Variants in RIN2 observed in about 807,000 individuals in gnomAD.
RIN2 encodes the protein RAB5 interacting protein 2.
RIN2 carries 36 observed loss-of-function variants against 78.0 expected under a neutral mutation model. That is an observed-to-expected ratio of 0.46 (90% CI 0.35 to 0.61). The LOEUF (loss-of-function observed/expected upper bound fraction) is 0.61. Among genes scored for constraint, RIN2 ranks in the 20% least tolerant of loss-of-function variants. RIN2 has a pLI of 0.00. For missense variants in RIN2, 1,087 were observed against 1,159.7 expected, an observed-to-expected ratio of 0.94 and a Z score of 0.91; for synonymous variants, 466 against 466.8, an observed-to-expected ratio of 1.00 and a Z score of 0.02.
chr20:19,896,171 T>A (rs866827752), intron 3 of RIN2, among the ~76,000 whole-genome samples: 2 of 152,098 alleles, frequency 1.3e-5, no homozygotes, highest in South Asian at 2.1e-4. Flanking sequence ...GTAATTTCTT[T>A]TTTTATTTTT....
At chr20:19,932,874 G>T (rs565557893) in intron 3 of RIN2, among the ~76,000 whole-genome samples, 11 of 152,250 alleles carry the variant, frequency 7.2e-5, no homozygotes, top group African/African-American at 2.6e-4. Context: ...TCCCCCTCAA[G>T]TCTAATTCTT....
chr20:19,845,993 C>T (rs1384268790), intron 2 of RIN2, among the ~76,000 whole-genome samples: 2 of 152,124 alleles, frequency 1.3e-5, no homozygotes, highest in African/African-American at 4.8e-5. Flanking sequence ...GAATCCTTTC[C>T]CCATTGCTTG....
At chr20:19,931,078 G>T (rs1311127619) in intron 3 of RIN2, among the ~76,000 whole-genome samples, 1 of 152,044 alleles carries the variant, frequency 6.6e-6, no homozygotes, top group Admixed American at 6.6e-5. Context: ...GTGAGAAAGT[G>T]TCTCTACAAA....
At chr20:19,830,856 T>A (rs2036230590) in intron 2 of RIN2, among the ~76,000 whole-genome samples, 1 of 152,222 alleles carries the variant, frequency 6.6e-6, no homozygotes, top group South Asian at 2.1e-4. Context: ...CATCCAGCGA[T>A]GACTGATGCT....
At chr20:19,978,850 A>C (rs1370002450) in intron 9 of RIN2, among the ~76,000 whole-genome samples, 1 of 152,226 alleles carries the variant, frequency 6.6e-6, no homozygotes, top group Non-Finnish European at 1.5e-5. Flanking sequence ...ATGCTTTAAT[A>C]AGAAGTGTGC....
In RIN2 at chr20:19,877,480, G is replaced by A. The variant is rs193203767; in HGVS notation, c.-36-12086G>A. 6.6e-5 allele frequency among the ~76,000 whole-genome samples: 10 copies of A among 152,290 alleles called. No homozygotes were observed. The East Asian group carries it at 1.9e-3, about 29-fold the overall frequency. On this transcript the variant is annotated intron_variant, in intron 2 of 12. Coordinates refer to ENST00000255006, the MANE Select transcript of RIN2 (RefSeq NM_018993.4). Reference sequence around the variant, plus strand: ...GTCCATAGTGCAGGGTTATAGTGTTGTAGACTCACCCCGTGAAAGAGCCAT... The same window carrying A: ...GTCCATAGTGCAGGGTTATAGTGTTATAGACTCACCCCGTGAAAGAGCCAT...
chr20:19,802,737 G>T (rs554850560), intron 2 of RIN2, among the ~76,000 whole-genome samples: 30 of 152,160 alleles, frequency 2.0e-4, no homozygotes, highest in African/African-American at 5.8e-4. Flanking sequence ...AGTCCTGAAG[G>T]CCCCCTCAAA....
At chr20:19,784,006 C>T (rs1361159758) in intron 1 of RIN2, among the ~76,000 whole-genome samples, 8 of 152,162 alleles carry the variant, frequency 5.3e-5, no homozygotes, top group Non-Finnish European at 8.8e-5. Flanking sequence ...ACTCCAGGGC[C>T]GAGGCCAGGT....
chr20:19,816,823 G>A (rs950576478), intron 2 of RIN2, among the ~76,000 whole-genome samples: 10 of 152,172 alleles, frequency 6.6e-5, no homozygotes, highest in Non-Finnish European at 1.2e-4. Context: ...CTGAATAACT[G>A]AAAGAAGATT....
intron 2 of RIN2, among the ~76,000 whole-genome samples, chr20:19,812,233 T>C (rs2035627765): frequency 6.6e-6 from 1 of 152,210 alleles, no homozygotes; most frequent in African/African-American, 2.4e-5. Context: ...TAAATACCTA[T>C]GAGTGGAATT....
rs141557975 is a variant in RIN2 at position 19,995,251 on chromosome 20, GT to G, written c.2201-1418del. 4.7e-3 allele frequency among the ~76,000 whole-genome samples: 509 copies of G among 109,300 alleles called. 5 individuals carry two copies. Among genetic ancestry groups the G allele is most frequent in the African/African-American group, 0.019 (470 of 24,452 alleles). 71.7% of individuals were successfully genotyped at this position (109,300 alleles called of 152,430 possible). On this transcript the variant is annotated intron_variant, in intron 11 of 12. Transcript: ENST00000255006. The stretch of plus-strand genomic sequence containing the variant: ...CTGCAGGAATAAATTGCCAGTGTCT[GT>G]TTTTTTTTTAAAAAAAAAAAAAAAA...
rs2042250391 is a variant in RIN2 at position 19,975,465 on chromosome 20, AAAG to A, written c.1443_1445del (p.Lys482del). 1 of 1,614,008 alleles carries A rather than the reference AAAG, an allele frequency of 6.2e-7. No homozygotes were observed. Among genetic ancestry groups the A allele is most frequent in the East Asian group, 2.2e-5 (1 of 44,882 alleles). ...CCATGGCGCCCCCCATCAAGTCCAAAAAGAAAAGGAGCAGCTCCTTCGTGCTGC... is the reference window on the plus strand; with the variant it reads ...CCATGGCGCCCCCCATCAAGTCCAAAAAAAGGAGCAGCTCCTTCGTGCTGC... On this transcript the variant is annotated inframe_deletion, in exon 9 of 13. Coordinates refer to ENST00000255006, the MANE Select transcript of RIN2 (RefSeq NM_018993.4). The surrounding 1 kb of genome is among the most constrained non-coding windows in gnomAD (Gnocchi z 4.9).
chr20:20,000,889 T>G lies in RIN2; in HGVS notation c.2641T>G (p.Tyr881Asp), dbSNP rs778005548. The change falls in exon 13 of 13, where the codon TAT becomes GAT. Residue 881 changes from tyrosine to aspartate, a missense_variant. Tyr to Asp is a radical substitution (Grantham distance 160). Around this residue, in one of 8 missense-constraint regions of RIN2, gnomAD observed 160 missense variants for 179.4 expected, o/e 0.89. Coordinates refer to ENST00000255006, the MANE Select transcript of RIN2 (RefSeq NM_018993.4). ...CTACAAACGCATCAAGAACGATCCT[T>G]ATGGCATCATTTTCCAGAACGGGGA... ...FVYKRIKNDPYGIIFQNGEED... is the reference protein window; with the variant it reads ...FVYKRIKNDPDGIIFQNGEED... 5.6e-6 allele frequency: 9 copies of G among 1,613,524 alleles called. No individual in the cohort carries two copies. Among genetic ancestry groups the G allele is most frequent in the Admixed American group, 5.0e-5 (3 of 60,010 alleles).
chr20:19,962,768 G>A (rs763861239), intron 6 of RIN2, among the ~76,000 whole-genome samples: 10 of 151,974 alleles, frequency 6.6e-5, no homozygotes, highest in Non-Finnish European at 1.0e-4. Context: ...ACCAGCCTGG[G>A]CAACATGGTG....
chr20:19,895,584 A>G (rs1227603082), intron 3 of RIN2, among the ~76,000 whole-genome samples: 2 of 152,152 alleles, frequency 1.3e-5, no homozygotes, highest in Non-Finnish European at 2.9e-5. Context: ...AAAACCACTC[A>G]TGCTGCAGAA....
At chr20:19,885,494 C>T (rs910391382) in intron 2 of RIN2, among the ~76,000 whole-genome samples, 1 of 151,958 alleles carries the variant, frequency 6.6e-6, no homozygotes, top group African/African-American at 2.4e-5. Context: ...GGTAAAACCC[C>T]ACATCTACCA....
chr20:19,959,144 A>G (rs1418053160), intron 5 of RIN2, among the ~76,000 whole-genome samples: 1 of 152,252 alleles, frequency 6.6e-6, no homozygotes, highest in Non-Finnish European at 1.5e-5. Context: ...GACAATATGT[A>G]AATGATCGAG....
At position 19,975,143 on chromosome 20, in the gene RIN2, G is replaced by T; in HGVS notation, c.1118G>T (p.Gly373Val). 6.2e-7 allele frequency: 1 copy of T among 1,613,168 alleles called. No individual in the cohort carries two copies. The highest frequency in any genetic ancestry group is 8.5e-7 in the Non-Finnish European group (1 of 1,179,880). Residue 373 changes from glycine to valine, a missense_variant, in exon 9 of 13, where the codon GGT becomes GTT. This residue lies in a region of RIN2 where 706 missense variants were observed against 667.5 expected (regional missense o/e 1.06). Transcript: ENST00000255006. The surrounding 1 kb of genome is among the most constrained non-coding windows in gnomAD (Gnocchi z 4.9). Reference sequence around the variant, plus strand: ...GCTTCTTTTCTGGAAGCAGAGGGCGGTGCAAAGACCTTGAGCGGCGGCCGG... The same window carrying T: ...GCTTCTTTTCTGGAAGCAGAGGGCGTTGCAAAGACCTTGAGCGGCGGCCGG... Reference protein sequence around the residue: ...KQASFLEAEGGAKTLSGGRPG... With the variant: ...KQASFLEAEGVAKTLSGGRPG...
chr20:19,990,119 G>A lies in RIN2; in HGVS notation c.1876G>A (p.Glu626Lys), dbSNP rs1055714843. ...MADGSWKQLK[E>K]NLQLVRQRNP... ...CGATGGCTCATGGAAGCAACTCAAGGAGAACCTGCAGCTTGTGCGGCAGAG... is the reference window on the plus strand; with the variant it reads ...CGATGGCTCATGGAAGCAACTCAAGAAGAACCTGCAGCTTGTGCGGCAGAG... The change falls in exon 10 of 13, where the codon GAG becomes AAG. Residue 626 changes from glutamate to lysine, a missense_variant. Physicochemically the swap from Glu to Lys is moderately conservative, Grantham distance 56. Transcript: ENST00000255006. 19 of 1,602,090 alleles carry A rather than the reference G, an allele frequency of 1.2e-5. No homozygotes were observed. The highest frequency in any genetic ancestry group is 1.5e-5 in the Non-Finnish European group (18 of 1,174,404).
Sources: allele counts gnomAD v4.1 joint callset (sites outside exome capture counted in the v4.1 genomes callset), GRCh38; gene constraint gnomAD v4.1.1; regional missense constraint gnomAD v4.1.1; non-coding constraint Gnocchi (gnomAD v3.1); transcripts MANE v1.5; gene names NCBI Gene and HGNC (gene_info 2026-07-23, HGNC 2026-07-21).